Variants in CEP70 observed in about 807,000 individuals in gnomAD.
CEP70 encodes centrosomal protein 70.
A neutral mutation model predicts 90.9 loss-of-function variants in CEP70; 70 were observed. The observed-to-expected ratio is 0.77, with a 90% CI of 0.64 to 0.94. CEP70 has a LOEUF of 0.94. CEP70 is among the 40% of genes least tolerant of loss of function. The pLI is 0.00. For missense variants in CEP70, 648 were observed against 669.0 expected (o/e 0.97, Z 0.35); for synonymous variants, 220 against 228.3 (o/e 0.96, Z 0.33).
intron 11 of CEP70, among the ~76,000 whole-genome samples, chr3:138,513,485 C>T (rs1396030176): frequency 6.6e-6 from 1 of 152,144 alleles, no homozygotes; most frequent in Non-Finnish European, 1.5e-5. Context: ...TTTAAAATAG[C>T]AGGAATCTTT....
chr3:138,505,275 A>C lies in CEP70; in HGVS notation c.1221+20T>G. 1 of 1,570,618 alleles carries C rather than the reference A, an allele frequency of 6.4e-7. No homozygotes were observed. Among genetic ancestry groups the C allele is most frequent in the Non-Finnish European group, 8.6e-7 (1 of 1,159,144 alleles). On this transcript the variant is annotated intron_variant, in intron 13 of 17. Coordinates refer to ENST00000264982, the MANE Select transcript of CEP70 (RefSeq NM_024491.4). ...AGTCCAATAGATGTTCAAAGCATAT[A>C]ATCATAGTCAACCCCTTACCTTTAA...
intron 7 of CEP70, among the ~76,000 whole-genome samples, chr3:138,533,408 T>C (rs974381761): frequency 1.1e-4 from 16 of 152,252 alleles, no homozygotes; most frequent in African/African-American, 3.9e-4. Context: ...TGTATATTTT[T>C]TACTTTTGTC....
intron 8 of CEP70, chr3:138,530,639 AG>A (rs2037731331): frequency 4.1e-6 from 4 of 985,286 alleles, no homozygotes; most frequent in Non-Finnish European, 3.6e-6. Flanking sequence ...TCAGTTCTAC[AG>A]GGTCACAGCT....
At chr3:138,507,152 G>C (rs2035061299) in intron 12 of CEP70, among the ~76,000 whole-genome samples, 1 of 152,100 alleles carries the variant, frequency 6.6e-6, no homozygotes, top group Non-Finnish European at 1.5e-5. Flanking sequence ...TTTTCAGAAA[G>C]GTGCTTGGTT....
intron 13 of CEP70, among the ~76,000 whole-genome samples, chr3:138,502,012 G>A (rs1223689944): frequency 2.0e-5 from 3 of 152,094 alleles, no homozygotes; most frequent in African/African-American, 7.2e-5. Flanking sequence ...TATGTGTATG[G>A]CACAGCGCTT....
intron 6 of CEP70, among the ~76,000 whole-genome samples, chr3:138,559,518 A>G (rs1393597743): frequency 1.3e-5 from 2 of 152,222 alleles, no homozygotes; most frequent in African/African-American, 4.8e-5. Flanking sequence ...AGATCACTTG[A>G]GGCCAGGAGT....
At chr3:138,513,688 C>T (rs2035739827) in intron 11 of CEP70, among the ~76,000 whole-genome samples, 1 of 152,190 alleles carries the variant, frequency 6.6e-6, no homozygotes, top group East Asian at 1.9e-4. Context: ...ATTGGCCTAA[C>T]CACTTCAAGG....
chr3:138,508,882 C>T (rs181857216), intron 11 of CEP70, among the ~76,000 whole-genome samples: 14 of 152,024 alleles, frequency 9.2e-5, no homozygotes, highest in East Asian at 1.9e-4. Context: ...TACAGGCGCC[C>T]GCCACCATGC....
chr3:138,552,234 T>G (rs1443897629), intron 6 of CEP70, among the ~76,000 whole-genome samples: 2 of 152,104 alleles, frequency 1.3e-5, no homozygotes, highest in Non-Finnish European at 2.9e-5. Context: ...GTGGGGGACT[T>G]CAATACTCCA....
intron 6 of CEP70, among the ~76,000 whole-genome samples, chr3:138,562,022 CAA>C (rs35638353): frequency 1.3e-3 from 139 of 110,828 alleles, no homozygotes; most frequent in Middle Eastern, 4.8e-3. Flanking sequence ...GACGCCGTCT[CAA>C]AAAAAAAAAA....
At chr3:138,538,979 T>C (rs1320247419) in intron 6 of CEP70, among the ~76,000 whole-genome samples, 1 of 152,210 alleles carries the variant, frequency 6.6e-6, no homozygotes, top group Non-Finnish European at 1.5e-5. Flanking sequence ...TTTACTTCCT[T>C]ACAACTTTCA....
chr3:138,529,183 AT>A lies in CEP70; in HGVS notation c.869+15del. The A allele has an allele frequency of 2.0e-6, 3 of 1,529,256 alleles. No homozygotes were observed. The highest frequency in any genetic ancestry group is 1.4e-5 in the African/African-American group (1 of 71,586). The allele number at this position is 1,529,256 out of a possible 1,614,324, so 94.7% of individuals were successfully genotyped here. The stretch of plus-strand genomic sequence containing the variant: ...CTGTCTCAGGAAAAAAAAAAAAAAA[AT>A]TAAGTTTCTCTCACCTGGTTTCCAA... On this transcript the variant is annotated intron_variant, in intron 10 of 17. Coordinates refer to ENST00000264982, the MANE Select transcript of CEP70 (RefSeq NM_024491.4).
rs76687726 is a variant in CEP70, at chr3:138,501,528, G to T, written c.1222-647C>A. The stretch of plus-strand genomic sequence containing the variant: ...GCCTATTCTAGGCATTTTGCATAAA[G>T]GGAATTATACAATAAGTAGTCTTTT... On this transcript the variant is annotated intron_variant, in intron 13 of 17. Coordinates refer to ENST00000264982, the MANE Select transcript of CEP70 (RefSeq NM_024491.4). Among the ~76,000 whole-genome samples the T allele has an allele frequency of 7.1e-3, 1,077 of 152,296 alleles. 13 individuals are homozygous for T. The highest frequency in any genetic ancestry group is 0.025 in the African/African-American group (1,031 of 41,562).
At chr3:138,550,876 T>A (rs1039111539) in intron 6 of CEP70, among the ~76,000 whole-genome samples, 1 of 152,188 alleles carries the variant, frequency 6.6e-6, no homozygotes, top group Non-Finnish European at 1.5e-5. Flanking sequence ...TGGGATTATG[T>A]TAAACGACCA....
chr3:138,570,976 G>T, intron 5 of CEP70, 58 bp downstream of exon 5: 4 of 1,334,442 alleles, frequency 3.0e-6, no homozygotes, highest in South Asian at 1.7e-5. Flanking sequence ...TTTTTTCAAG[G>T]CAGTTATTTT....
rs1673608 is a variant in CEP70 at position 138,570,321 on chromosome 3, T to A, written c.462A>T (p.Leu154Phe). 6.4e-7 allele frequency: 1 copy of A among 1,569,382 alleles called. No individual in the cohort carries two copies. Among genetic ancestry groups the A allele is most frequent in the Admixed American group, 2.0e-5 (1 of 50,088 alleles). ...CTAAGAATTCATAACTCAGTACCTG[T>A]AAAGTTTTCTGCTCCTTTTGAAGAT... ...IKDLQKEQKT[L>F]QVKCQHYKKK... is the part of the protein sequence containing the mutation. Residue 154 changes from leucine (L) to phenylalanine (F), a missense_variant, in exon 6 of 18, where the codon TTA becomes TTT. By Grantham distance (22) the Leu-to-Phe change is conservative. Coordinates refer to ENST00000264982, the MANE Select transcript of CEP70 (RefSeq NM_024491.4).
chr3:138,502,243 C>T (rs1018153701), intron 13 of CEP70, among the ~76,000 whole-genome samples: 6 of 152,044 alleles, frequency 3.9e-5, no homozygotes, highest in African/African-American at 1.4e-4. Flanking sequence ...GTATATTTTA[C>T]ACTTATAACA....
intron 6 of CEP70, among the ~76,000 whole-genome samples, chr3:138,556,702 G>A (rs1015313261): frequency 2.0e-5 from 3 of 152,058 alleles, no homozygotes; most frequent in African/African-American, 4.8e-5. Context: ...GGTAGGTTCC[G>A]TGATGCCTCC....
At chr3:138,568,493 C>T (rs555525510) in intron 6 of CEP70, among the ~76,000 whole-genome samples, 11 of 152,310 alleles carry the variant, frequency 7.2e-5, no homozygotes, top group African/African-American at 2.4e-4. Context: ...AGACCTGGCA[C>T]AGCACCTTTA....
Sources: allele counts gnomAD v4.1 joint callset (sites outside exome capture counted in the v4.1 genomes callset), GRCh38; gene constraint gnomAD v4.1.1; transcripts MANE v1.5; gene names NCBI Gene and HGNC (gene_info 2026-07-23, HGNC 2026-07-21).